CNDP2: variants seen among roughly 807,000 people sequenced by gnomAD.
CNDP2 encodes the protein carnosine dipeptidase 2.
A neutral mutation model predicts 55.0 loss-of-function variants in CNDP2; 38 were observed. The ratio of observed to expected loss-of-function variants is 0.69; its 90% confidence interval spans 0.53 to 0.90. CNDP2 has a LOEUF of 0.90. CNDP2 is among the 40% of genes least tolerant of loss of function. The pLI, the probability that CNDP2 is intolerant of heterozygous loss-of-function variation, is 0.00. For missense variants in CNDP2, 607 were observed against 621.7 expected (o/e 0.98, Z 0.25); for synonymous variants, 241 against 260.2 (o/e 0.93, Z 0.71).
rs181326124 is a variant in CNDP2 at position 74,511,690 on chromosome 18, A to G, written c.657+677A>G. ...ACCATTGCACTCCAGCCTGAGCTACAGAGCGAGACTCCACTTCAAAAAAAA... is the reference window on the plus strand; with the variant it reads ...ACCATTGCACTCCAGCCTGAGCTACGGAGCGAGACTCCACTTCAAAAAAAA... On this transcript the variant is annotated intron_variant, in intron 6 of 11. Transcript: ENST00000324262. Among the ~76,000 whole-genome samples the G allele has an allele frequency of 9.3e-5, 14 of 150,466 alleles. 1 individual carries two copies. In the East Asian group the frequency reaches 2.8e-3, roughly 30 times the overall value.
chr18:74,500,252 A>G (rs1444236009), intron 2 of CNDP2, among the ~76,000 whole-genome samples: 1 of 152,234 alleles, frequency 6.6e-6, no homozygotes, highest in Non-Finnish European at 1.5e-5. Context: ...TCTAATTGAA[A>G]TTTTTGTTTC....
intron 1 of CNDP2, among the ~76,000 whole-genome samples, chr18:74,498,290 C>T (rs1038378216): frequency 6.6e-6 from 1 of 152,080 alleles, no homozygotes; most frequent in Non-Finnish European, 1.5e-5. Flanking sequence ...GCCTATTGCT[C>T]CTAGGCTACA....
intron 5 of CNDP2, among the ~76,000 whole-genome samples, 188 bp from the exon 6 acceptor site, chr18:74,510,625 C>G (rs1979289656): frequency 6.6e-6 from 1 of 152,180 alleles, no homozygotes; most frequent in African/African-American, 2.4e-5. Context: ...GAGACTGGAC[C>G]AGTCCAAGTG....
At chr18:74,512,157 A>G (rs1979389815) in intron 6 of CNDP2, 2 of 329,978 alleles carry the variant, frequency 6.1e-6, no homozygotes, top group Non-Finnish European at 1.1e-5. Flanking sequence ...TCTTTGTTAA[A>G]CTTCTAGCAA....
intron 3 of CNDP2, among the ~76,000 whole-genome samples, chr18:74,505,424 C>T (rs1475715936): frequency 6.6e-6 from 1 of 151,962 alleles, no homozygotes; most frequent in Non-Finnish European, 1.5e-5. Context: ...AACAGTGAAA[C>T]CCTGTCTCTA....
Position 74,520,363 on chromosome 18 carries a change from T to G in CNDP2, c.*295T>G. The stretch of plus-strand genomic sequence containing the variant: ...CCAAAAGCACAAGGTCTGCGGAAAG[T>G]TCTGGTTGTCGGCCGGGCACCACGG... On this transcript the variant is annotated 3_prime_UTR_variant, in exon 12 of 12. Transcript: ENST00000324262. 1 of 376,526 alleles carries G rather than the reference T, an allele frequency of 2.7e-6. No homozygotes were observed. The highest frequency in any genetic ancestry group is 4.9e-6 in the Non-Finnish European group (1 of 202,710). The allele number at this position is 376,526 out of a possible 1,614,324, so 23.3% of individuals were successfully genotyped here.
At chr18:74,502,929 T>G (rs1978791672) in intron 3 of CNDP2, among the ~76,000 whole-genome samples, 1 of 152,250 alleles carries the variant, frequency 6.6e-6, no homozygotes. Context: ...GCTATTCATT[T>G]GAGGTTTTCT....
chr18:74,512,653 G>A (rs1979419824), intron 7 of CNDP2, 121 bp downstream of exon 7: 2 of 760,372 alleles, frequency 2.6e-6, no homozygotes, highest in Admixed American at 5.0e-5. Context: ...TTCTGTCTCA[G>A]TTTCCTACTG....
At position 74,520,117 on chromosome 18, in the gene CNDP2, C is replaced by T. The variant is rs769675107; in HGVS notation, c.*49C>T. The T allele has an allele frequency of 1.3e-6, 2 of 1,584,166 alleles. No homozygotes were observed. Among genetic ancestry groups the T allele is most frequent in the South Asian group, 1.1e-5 (1 of 90,130 alleles). On this transcript the variant is annotated 3_prime_UTR_variant, in exon 12 of 12. Coordinates refer to ENST00000324262, the MANE Select transcript of CNDP2 (RefSeq NM_018235.3). ...CCAATGAGAAGGAATCCTGCCCTCA[C>T]CTCACCCTTTTCCAACTTGCCCAGG... is the stretch of plus-strand genomic sequence containing the variant.
At chr18:74,507,200 C>G (rs910992099) in intron 4 of CNDP2, 1 of 152,326 alleles carries the variant, frequency 6.6e-6, no homozygotes, top group African/African-American at 2.4e-5. Flanking sequence ...TCTGCTTGGC[C>G]GTGCCCTCAC....
chr18:74,501,644 T>C (rs948244714), intron 3 of CNDP2, among the ~76,000 whole-genome samples, 172 bp downstream of exon 3: 2 of 152,166 alleles, frequency 1.3e-5, no homozygotes, highest in African/African-American at 2.4e-5. Flanking sequence ...ACTGCTTCAG[T>C]TGGATTGGGG....
chr18:74,518,955 G>C lies in CNDP2; in HGVS notation c.1217G>C (p.Gly406Ala). 6.2e-7 allele frequency: 1 copy of C among 1,614,068 alleles called. No homozygotes were observed. The highest frequency in any genetic ancestry group is 8.5e-7 in the Non-Finnish European group (1 of 1,180,012). The change falls in exon 11 of 12, where the codon GGT becomes GCT. Residue 406 changes from glycine to alanine, a missense_variant. Physicochemically the swap from Gly to Ala is moderately conservative, Grantham distance 60 (BLOSUM62 0). Transcript: ENST00000324262. ...TTATTTCATTTCCCCCCAGTTTTTG[G>C]TGTTGAGCCAGACTTGACCAGGGAA... ...AGRRAMKTVFGVEPDLTREGG... is the reference protein window; with the variant it reads ...AGRRAMKTVFAVEPDLTREGG...
rs748905446 is a variant in CNDP2, at chr18:74,510,832, G to A, written c.476G>A (p.Arg159Gln). ...TCACAGGAGATTCCTGTCAACGTCC[G>A]ATTCTGCCTCGAAGGCATGGAGGAG... ...KTGQEIPVNVRFCLEGMEESG... is the reference protein window; with the variant it reads ...KTGQEIPVNVQFCLEGMEESG... The change falls in exon 6 of 12, where the codon CGA (arginine) becomes CAA (glutamine). Residue 159 changes from arginine (R) to glutamine (Q), a missense_variant. By Grantham distance (43) the Arg-to-Gln change is conservative. Coordinates refer to ENST00000324262, the MANE Select transcript of CNDP2 (RefSeq NM_018235.3). The A allele has an allele frequency of 2.3e-5, 37 of 1,613,836 alleles. No individual in the cohort carries two copies. The highest frequency in any genetic ancestry group is 2.8e-5 in the Non-Finnish European group (33 of 1,179,946).
At chr18:74,504,114 C>T (rs1179309381) in intron 3 of CNDP2, among the ~76,000 whole-genome samples, 1 of 124,980 alleles carries the variant, frequency 8.0e-6, no homozygotes, top group Admixed American at 8.6e-5. Context: ...CGTCAGGCCA[C>T]ACGCCACACA....
intron 11 of CNDP2, among the ~76,000 whole-genome samples, chr18:74,519,685 C>T (rs563244539): frequency 9.2e-5 from 14 of 152,258 alleles, no homozygotes; most frequent in East Asian, 1.9e-4. Flanking sequence ...GACCTGGCTG[C>T]GAGGACCAGT....
At chr18:74,497,171 G>A (rs1568275507) in intron 1 of CNDP2, among the ~76,000 whole-genome samples, 1 of 152,110 alleles carries the variant, frequency 6.6e-6, no homozygotes, top group South Asian at 2.1e-4. Context: ...TCCAAGCATA[G>A]ACTGCAGGAA....
chr18:74,516,404 T>C lies in CNDP2; in HGVS notation c.1068+12T>C. On this transcript the variant is annotated intron_variant, in intron 9 of 11. Coordinates refer to ENST00000324262, the MANE Select transcript of CNDP2 (RefSeq NM_018235.3). ...TCGTCGGCGAGCAGGCATGTGGGGCTGGGACACGGGGTGGGGGCCAAGAGC... is the reference window on the plus strand; with the variant it reads ...TCGTCGGCGAGCAGGCATGTGGGGCCGGGACACGGGGTGGGGGCCAAGAGC... 5 of 1,600,720 alleles carry C rather than the reference T, an allele frequency of 3.1e-6. No individual in the cohort carries two copies. Among genetic ancestry groups the C allele is most frequent in the Non-Finnish European group, 4.3e-6 (5 of 1,172,144 alleles).
At chr18:74,511,405 A>G (rs535497882) in intron 6 of CNDP2, among the ~76,000 whole-genome samples, 1 of 152,332 alleles carries the variant, frequency 6.6e-6, no homozygotes, top group South Asian at 2.1e-4. Context: ...TAAGTGACGC[A>G]CGGGAAAAAG....
Position 74,513,670 on chromosome 18 carries a change from A to G in CNDP2, c.854A>G (p.Glu285Gly). ...TACGACGACATCGACTTTGACATAGAGGAGTTTGCCAAGGATGTGGGGGCG... is the reference window on the plus strand; with the variant it reads ...TACGACGACATCGACTTTGACATAGGGGAGTTTGCCAAGGATGTGGGGGCG... ...KLYDDIDFDI[E>G]EFAKDVGAQI... Residue 285 changes from glutamate to glycine, a missense_variant, in exon 8 of 12, where the codon GAG (glutamate) becomes GGG (glycine). Physicochemically the swap from Glu to Gly is moderately conservative, Grantham distance 98. Coordinates refer to ENST00000324262, the MANE Select transcript of CNDP2 (RefSeq NM_018235.3). 2 of 1,614,068 alleles carry G rather than the reference A, an allele frequency of 1.2e-6. No individual in the cohort carries two copies. Among genetic ancestry groups the G allele is most frequent in the Non-Finnish European group, 1.7e-6 (2 of 1,180,010 alleles).
Sources: allele counts gnomAD v4.1 joint callset (sites outside exome capture counted in the v4.1 genomes callset), GRCh38; gene constraint gnomAD v4.1.1; transcripts MANE v1.5; gene names NCBI Gene and HGNC (gene_info 2026-07-23, HGNC 2026-07-21).